The following ADAM32 variants were observed in gnomAD, a reference collection of about 807,000 sequenced individuals.
ADAM32 encodes the protein ADAM metallopeptidase domain 32.
Under a neutral mutation model 114.9 loss-of-function variants are expected in ADAM32, and 89 were observed. The ratio of observed to expected loss-of-function variants is 0.77; its 90% CI spans 0.65 to 0.92. ADAM32 has a LOEUF of 0.92. Among genes scored for constraint, ADAM32 ranks in the 40% least tolerant of loss-of-function variants. The pLI, the probability that ADAM32 is intolerant of heterozygous loss-of-function variation, is 0.00. For synonymous variants in ADAM32, 285 were observed against 307.5 expected (o/e 0.93, Z 0.77); for missense variants, 870 against 932.8 (o/e 0.93, Z 0.88).
chr8:39,115,436 A>T (rs1448941302), intron 1 of ADAM32, among the ~76,000 whole-genome samples: 2 of 152,074 alleles, frequency 1.3e-5, no homozygotes, highest in African/African-American at 2.4e-5. Flanking sequence ...TTATTTTTTG[A>T]CTTTTTAATA....
At chr8:39,144,870 G>T (rs887599116) in intron 3 of ADAM32, among the ~76,000 whole-genome samples, 1 of 152,118 alleles carries the variant, frequency 6.6e-6, no homozygotes, top group African/African-American at 2.4e-5. Flanking sequence ...ATGTTAAATT[G>T]TTCCTGTTGC....
chr8:39,281,443 T>G (rs1043028423), intron 23 of ADAM32, among the ~76,000 whole-genome samples: 29 of 152,208 alleles, frequency 1.9e-4, no homozygotes, highest in Non-Finnish European at 3.8e-4. Context: ...AGACAAATAT[T>G]TATGATTACT....
intron 11 of ADAM32, among the ~76,000 whole-genome samples, chr8:39,201,509 C>A (rs183526596): frequency 4.6e-5 from 7 of 152,098 alleles, no homozygotes; most frequent in African/African-American, 7.2e-5. Flanking sequence ...GTTGCTTATC[C>A]GCTTAAGGAG....
chr8:39,147,191 T>C lies in ADAM32; in HGVS notation c.262T>C (p.Ser88Pro). 1 of 1,017,682 alleles carries C rather than the reference T, an allele frequency of 9.8e-7. No individual in the cohort carries two copies. The highest frequency in any genetic ancestry group is 1.3e-6 in the Non-Finnish European group (1 of 764,182). 63.0% of individuals were successfully genotyped at this position (1,017,682 alleles called of 1,614,324 possible). A position where few individuals can be genotyped will look rare whatever the true frequency, so the allele number is the denominator to read the frequency against. Residue 88 changes from serine to proline, a missense_variant, in exon 4 of 25, where the codon TCT becomes CCT. Coordinates refer to ENST00000379907, the MANE Select transcript of ADAM32 (RefSeq NM_145004.7). ...CAATCAAGGATCTATGAATACTTATTCTTCAGATATTCAGGTAAGATTTAA... is the reference window on the plus strand; with the variant it reads ...CAATCAAGGATCTATGAATACTTATCCTTCAGATATTCAGGTAAGATTTAA... ...LYNQGSMNTY[S>P]SDIQTQCYYQ...
At chr8:39,126,487 T>G (rs760898545) in intron 2 of ADAM32, among the ~76,000 whole-genome samples, 1 of 152,180 alleles carries the variant, frequency 6.6e-6, no homozygotes, top group Non-Finnish European at 1.5e-5. Context: ...TGCCTATTGT[T>G]GGTGTATAGG....
chr8:39,154,877 T>G (rs1374088723), intron 6 of ADAM32, among the ~76,000 whole-genome samples: 1 of 97,692 alleles, frequency 1.0e-5, no homozygotes, highest in Non-Finnish European at 2.5e-5. Context: ...TTCACCCACT[T>G]TTTGATGGTT....
chr8:39,129,632 G>A (rs1482539094), intron 2 of ADAM32, among the ~76,000 whole-genome samples: 1 of 152,050 alleles, frequency 6.6e-6, no homozygotes, highest in African/African-American at 2.4e-5. Context: ...TTTGTTTTTT[G>A]TAATGTCTAG....
At chr8:39,135,860 T>C (rs1240195936) in intron 2 of ADAM32, among the ~76,000 whole-genome samples, 2 of 152,160 alleles carry the variant, frequency 1.3e-5, no homozygotes, top group Non-Finnish European at 2.9e-5. Flanking sequence ...GTACATGATA[T>C]CAAGTTGAGT....
At chr8:39,194,866 T>C (rs900929333) in intron 11 of ADAM32, among the ~76,000 whole-genome samples, 1 of 151,676 alleles carries the variant, frequency 6.6e-6, no homozygotes, top group African/African-American at 2.4e-5. Context: ...CTACTGACAC[T>C]CCTGCACCAA....
chr8:39,274,239 C>G (rs1812931413), intron 20 of ADAM32, 73 bp from the exon 21 acceptor site: 1 of 1,402,504 alleles, frequency 7.1e-7, no homozygotes, highest in Admixed American at 1.7e-5. Context: ...TATAAAATGG[C>G]CTGATTTTCA....
intron 17 of ADAM32, among the ~76,000 whole-genome samples, chr8:39,250,790 A>T (rs767175442): frequency 2.0e-5 from 3 of 151,842 alleles, no homozygotes; most frequent in Non-Finnish European, 2.9e-5. Flanking sequence ...TTCAAACTGG[A>T]TATTTGTACC....
intron 4 of ADAM32, among the ~76,000 whole-genome samples, chr8:39,149,211 T>C (rs915849203): frequency 1.3e-5 from 2 of 152,200 alleles, no homozygotes; most frequent in African/African-American, 4.8e-5. Context: ...TGACTTTATA[T>C]ATTTTGAAGC....
chr8:39,168,761 GAAAC>G (rs1805010449), intron 9 of ADAM32: 1 of 152,158 alleles, frequency 6.6e-6, no homozygotes, highest in African/African-American at 2.4e-5. Flanking sequence ...GGAGGGAAAG[GAAAC>G]AAACACTGAC....
At chr8:39,271,519 T>C (rs540989818) in intron 20 of ADAM32, among the ~76,000 whole-genome samples, 1 of 126,592 alleles carries the variant, frequency 7.9e-6, no homozygotes, top group Non-Finnish European at 1.7e-5. Context: ...TCTAAAGAAA[T>C]ACAGGTAATT....
At chr8:39,199,997 A>G (rs906677683) in intron 11 of ADAM32, among the ~76,000 whole-genome samples, 1 of 152,200 alleles carries the variant, frequency 6.6e-6, no homozygotes, top group African/African-American at 2.4e-5. Context: ...TATATGTGCC[A>G]CATTTTCTTA....
At chr8:39,115,804 A>G (rs185391763) in intron 1 of ADAM32, among the ~76,000 whole-genome samples, 23 of 152,304 alleles carry the variant, frequency 1.5e-4, no homozygotes, top group Admixed American at 5.9e-4. Context: ...CTTCATCATG[A>G]AACCTTTGCC....
intron 13 of ADAM32, among the ~76,000 whole-genome samples, 175 bp downstream of exon 13, chr8:39,221,877 A>G (rs1438110494): frequency 1.3e-5 from 2 of 152,050 alleles, no homozygotes; most frequent in Admixed American, 6.6e-5. Context: ...TAGGTGTTCT[A>G]TATGCCAATA....
intron 10 of ADAM32, among the ~76,000 whole-genome samples, chr8:39,175,369 TAGTTTA>T (rs1805459695): frequency 1.3e-5 from 2 of 152,188 alleles, no homozygotes; most frequent in Admixed American, 1.3e-4. Flanking sequence ...TCTTTCTACC[TAGTTTA>T]CTGAGAGATT....
At chr8:39,174,340 G>C (rs1805379107) in intron 10 of ADAM32, among the ~76,000 whole-genome samples, 1 of 152,144 alleles carries the variant, frequency 6.6e-6, no homozygotes, top group Non-Finnish European at 1.5e-5. Flanking sequence ...TCTTGTACCA[G>C]TACGATGCTG....
Sources: allele counts gnomAD v4.1 joint callset (sites outside exome capture counted in the v4.1 genomes callset), GRCh38; gene constraint gnomAD v4.1.1; transcripts MANE v1.5; gene names NCBI Gene and HGNC (gene_info 2026-07-23, HGNC 2026-07-21).